The following STAC variants were observed in gnomAD, a reference collection of about 807,000 sequenced individuals.
STAC encodes the protein SH3 and cysteine-rich domain-containing protein.
STAC carries 43 observed loss-of-function variants against 48.8 expected under a neutral mutation model. The observed-to-expected ratio is 0.88, with a 90% CI of 0.69 to 1.14. STAC has a LOEUF of 1.14. Ranked by LOEUF, STAC falls within the 50% of genes most tolerant of loss-of-function variation. The probability of loss-of-function intolerance (pLI) is 0.00; values close to 1 mark genes in which losing one functional copy is unlikely to be tolerated. For synonymous variants in STAC, 193 were observed against 179.5 expected, an observed-to-expected ratio of 1.07 and a Z score of -0.60; for missense variants, 497 against 504.0, an observed-to-expected ratio of 0.99 and a Z score of 0.13.
intron 1 of STAC, among the ~76,000 whole-genome samples, chr3:36,398,549 G>A (rs377431049): frequency 1.5e-4 from 7 of 45,348 alleles, no homozygotes; most frequent in South Asian, 8.9e-4. Flanking sequence ...GAGGTAAAGA[G>A]AAAGAGAGAG....
At chr3:36,418,015 C>A (rs533715325) in intron 1 of STAC, among the ~76,000 whole-genome samples, 165 of 152,190 alleles carry the variant, frequency 1.1e-3, no homozygotes, top group African/African-American at 3.7e-3. Flanking sequence ...TGTGGTTATA[C>A]CACCTTTCTT....
At position 36,546,334 on chromosome 3, in the gene STAC, T is replaced by C; in HGVS notation, c.*45T>C. 6.6e-7 allele frequency: 1 copy of C among 1,518,494 alleles called. No individual in the cohort carries two copies. The highest frequency in any genetic ancestry group is 9.1e-7 in the Non-Finnish European group (1 of 1,092,966). The allele number at this position is 1,518,494 out of a possible 1,614,324, so 94.1% of individuals were successfully genotyped here. ...TTGCAGTAGGCAAGCTCTGCTGCGATGCCTCTGCCTCATCTCACACTGCGT... is the reference window on the plus strand; with the variant it reads ...TTGCAGTAGGCAAGCTCTGCTGCGACGCCTCTGCCTCATCTCACACTGCGT... On this transcript the variant is annotated 3_prime_UTR_variant, in exon 11 of 11. Coordinates refer to ENST00000273183, the MANE Select transcript of STAC (RefSeq NM_003149.3).
intron 2 of STAC, among the ~76,000 whole-genome samples, chr3:36,472,053 A>T (rs1429336742): frequency 6.6e-6 from 1 of 152,214 alleles, no homozygotes; most frequent in African/African-American, 2.4e-5. Context: ...CCCTGCAGCA[A>T]ACTTTTGCCT....
intron 1 of STAC, among the ~76,000 whole-genome samples, chr3:36,431,748 A>C (rs181638618): frequency 1.6e-4 from 25 of 152,234 alleles, no homozygotes; most frequent in African/African-American, 4.8e-4. Context: ...CTCTGCCTCC[A>C]TACCACCCCA....
intron 2 of STAC, among the ~76,000 whole-genome samples, chr3:36,445,511 G>A (rs1696483705): frequency 1.3e-5 from 2 of 152,126 alleles, no homozygotes; most frequent in African/African-American, 2.4e-5. Flanking sequence ...GAGGTGAGAA[G>A]AGGAAAAGAA....
chr3:36,476,998 C>G (rs537508186), intron 2 of STAC, among the ~76,000 whole-genome samples: 50 of 152,270 alleles, frequency 3.3e-4, no homozygotes, highest in African/African-American at 1.2e-3. Flanking sequence ...ATTCTTTGGA[C>G]TATCTTGCCT....
chr3:36,517,399 C>T (rs189324450), intron 8 of STAC, among the ~76,000 whole-genome samples: 29 of 152,298 alleles, frequency 1.9e-4, no homozygotes, highest in Admixed American at 1.7e-3. Context: ...CCTGTAATCC[C>T]AGCACTGTGG....
intron 10 of STAC, among the ~76,000 whole-genome samples, chr3:36,537,585 A>T (rs1258623952): frequency 6.6e-6 from 1 of 152,142 alleles, no homozygotes; most frequent in Non-Finnish European, 1.5e-5. Flanking sequence ...GCATCAGGAT[A>T]AAAATATAAT....
In STAC at chr3:36,408,610, GTT is replaced by G. The variant is rs770895598; in HGVS notation, c.111+27859_111+27860del. Among the ~76,000 whole-genome samples the G allele has an allele frequency of 6.6e-3, 1,002 of 152,276 alleles. 6 individuals carry two copies. Among genetic ancestry groups the G allele is most frequent in the Non-Finnish European group, 0.011 (727 of 68,020 alleles). On this transcript the variant is annotated intron_variant, in intron 1 of 10. Transcript: ENST00000273183. ...TCTAATGGTGAGGCTCCTGGAAAAG[GTT>G]TTCTAGACTGATTAGAACACATACA...
intron 10 of STAC, among the ~76,000 whole-genome samples, chr3:36,544,070 ACT>A (rs1699388810): frequency 6.6e-6 from 1 of 152,010 alleles, no homozygotes. Context: ...GAGAAAACAC[ACT>A]CTTTGGCAAA....
intron 6 of STAC, among the ~76,000 whole-genome samples, chr3:36,500,192 G>T (rs939989161): frequency 6.6e-6 from 1 of 152,130 alleles, no homozygotes; most frequent in African/African-American, 2.4e-5. Flanking sequence ...GACACTCCAT[G>T]TAACAAGTAG....
At chr3:36,388,406 T>C (rs1699669645) in intron 1 of STAC, among the ~76,000 whole-genome samples, 1 of 152,076 alleles carries the variant, frequency 6.6e-6, no homozygotes, top group Non-Finnish European at 1.5e-5. Context: ...TTCAGATACA[T>C]TGCTAACATT....
intron 5 of STAC, 65 bp downstream of exon 5, chr3:36,486,314 T>C (rs1031559717): frequency 1.0e-4 from 147 of 1,402,598 alleles, no homozygotes; most frequent in Non-Finnish European, 1.4e-4. Flanking sequence ...CCTCAGGCAC[T>C]GCAGTATGGG....
At chr3:36,458,600 C>T (rs1696916160) in intron 2 of STAC, among the ~76,000 whole-genome samples, 1 of 152,122 alleles carries the variant, frequency 6.6e-6, no homozygotes, top group African/African-American at 2.4e-5. Context: ...GTGATATCTA[C>T]CAAATCACTT....
intron 6 of STAC, among the ~76,000 whole-genome samples, chr3:36,499,458 G>T (rs932272416): frequency 1.3e-5 from 2 of 151,874 alleles, no homozygotes; most frequent in African/African-American, 4.8e-5. Flanking sequence ...AATAAAAATA[G>T]ACTCAACTTA....
intron 1 of STAC, among the ~76,000 whole-genome samples, chr3:36,388,007 G>C (rs1393597947): frequency 6.6e-6 from 1 of 152,004 alleles, no homozygotes; most frequent in Non-Finnish European, 1.5e-5. Flanking sequence ...GTTATTTTCT[G>C]GGTTTTGTTG....
chr3:36,546,137 C>A, intron 10 of STAC, 54 bp from the exon 11 acceptor site: 1 of 1,502,774 alleles, frequency 6.7e-7, no homozygotes, highest in Admixed American at 1.7e-5. Context: ...CAGGTTCTAA[C>A]TTCGTTCTTG....
At chr3:36,504,194 T>C (rs1266530229) in intron 6 of STAC, among the ~76,000 whole-genome samples, 199 bp from the exon 7 acceptor site, 1 of 152,178 alleles carries the variant, frequency 6.6e-6, no homozygotes, top group African/African-American at 2.4e-5. Flanking sequence ...GAGAAGGTGG[T>C]GCAGAATGCT....
chr3:36,546,111 G>T (rs1699437882), intron 10 of STAC, 80 bp from the exon 11 acceptor site: 1 of 1,172,158 alleles, frequency 8.5e-7, no homozygotes, highest in Admixed American at 1.7e-5. Context: ...ACCTCAGTCA[G>T]CAGGGATTCA....
Sources: gnomAD v4.1 joint callset for allele counts (sites outside exome capture counted in the v4.1 genomes callset) on GRCh38, gnomAD v4.1.1 for gene constraint, MANE v1.5 for transcripts, NCBI Gene and HGNC (gene_info 2026-07-23, HGNC 2026-07-21) for gene names.